Variants in ZNF536 observed in about 807,000 individuals in gnomAD.
ZNF536 encodes zinc finger protein 536.
Under a neutral mutation model 84.5 loss-of-function variants are expected in ZNF536, and 13 were observed. The observed-to-expected ratio is 0.15, with a 90% CI of 0.10 to 0.24. The LOEUF is 0.24. Among genes scored for constraint, ZNF536 ranks in the 10% least tolerant of loss-of-function variants. ZNF536 has a pLI of 1.00. For missense variants in ZNF536, 1,536 were observed against 1,747.5 expected (o/e 0.88, Z 2.16); for synonymous variants, 811 against 742.5 (o/e 1.09, Z -1.50).
At chr19:30,541,365 G>A (rs968244360) in intron 3 of ZNF536, among the ~76,000 whole-genome samples, 5 of 149,874 alleles carry the variant, frequency 3.3e-5, no homozygotes, top group Middle Eastern at 3.2e-3. Flanking sequence ...CATTTTTGCC[G>A]TTAGTGGGGG....
chr19:30,326,229 G>A (rs991455512), intron 2 of ZNF536, among the ~76,000 whole-genome samples: 4 of 152,222 alleles, frequency 2.6e-5, no homozygotes, highest in African/African-American at 9.6e-5. Flanking sequence ...CCAGGGACAT[G>A]TCCCAGTGGT....
intron 1 of ZNF536, among the ~76,000 whole-genome samples, chr19:30,433,573 C>A (rs2051577491): frequency 1.3e-5 from 2 of 152,212 alleles, no homozygotes; most frequent in South Asian, 4.1e-4. Context: ...TCTCGGTTCA[C>A]CACAACCTCC....
chr19:30,569,051 G>T (rs1390744413), intron 1 of ZNF536, among the ~76,000 whole-genome samples: 2 of 152,178 alleles, frequency 1.3e-5, no homozygotes, highest in East Asian at 1.9e-4. Context: ...AGAACTAAAT[G>T]ATGAATCCAT....
At chr19:30,582,925 A>G (rs1408765676) in intron 1 of ZNF536, among the ~76,000 whole-genome samples, 1 of 152,106 alleles carries the variant, frequency 6.6e-6, no homozygotes, top group African/African-American at 2.4e-5. Flanking sequence ...TGAGATTTGG[A>G]TGGGGACACA....
chr19:30,631,841 C>T (rs1005198903), intron 1 of ZNF536, among the ~76,000 whole-genome samples: 5 of 152,168 alleles, frequency 3.3e-5, no homozygotes, highest in Non-Finnish European at 4.4e-5. Context: ...AGAGAGCACT[C>T]GAGGATTAAT....
Position 30,408,901 on chromosome 19 carries a change from C to G in ZNF536, c.-2-34660C>G, listed in dbSNP as rs2050372839. On this transcript the variant is annotated intron_variant, in intron 1 of 4. Coordinates refer to ENST00000355537, the MANE Select transcript of ZNF536 (RefSeq NM_014717.3). Reference sequence around the variant, plus strand: ...CCATCCTTCATCTATCATCATCCATCTATTCATCTGTCTATTCATCCATTC... The same window carrying G: ...CCATCCTTCATCTATCATCATCCATGTATTCATCTGTCTATTCATCCATTC... 2.7e-5 allele frequency among the ~76,000 whole-genome samples: 4 copies of G among 150,764 alleles called. No homozygotes were observed. The South Asian group carries it at 8.5e-4, about 32-fold the overall frequency.
At chr19:30,473,772 C>T (rs2053736195) in intron 2 of ZNF536, among the ~76,000 whole-genome samples, 1 of 152,220 alleles carries the variant, frequency 6.6e-6, no homozygotes, top group South Asian at 2.1e-4. Context: ...AAATTAACCC[C>T]CTGCCCTTCT....
chr19:30,226,910 G>A (rs753144738), upstream of ZNF536, among the ~76,000 whole-genome samples: 16 of 151,506 alleles, frequency 1.1e-4, no homozygotes, highest in Non-Finnish European at 1.9e-4. This position sits in a 1 kb window ranked among gnomAD's most constrained non-coding sequence, Gnocchi z 4.6. Flanking sequence ...GCCTTTTTCT[G>A]TTTGCTTCAA....
intron 1 of ZNF536, among the ~76,000 whole-genome samples, chr19:30,277,557 G>A (rs1434606766): frequency 6.6e-6 from 1 of 152,224 alleles, no homozygotes; most frequent in Non-Finnish European, 1.5e-5. Context: ...CGCGCTCTGT[G>A]TTATAATATT....
At chr19:30,701,571 A>G (rs1160717745) in intron 1 of ZNF536, among the ~76,000 whole-genome samples, 2 of 152,196 alleles carry the variant, frequency 1.3e-5, no homozygotes, top group Admixed American at 1.3e-4. Flanking sequence ...ACACACACAT[A>G]CACATGGTAC....
At chr19:30,499,625 T>G (rs2145278052) in intron 2 of ZNF536, among the ~76,000 whole-genome samples, 1 of 152,354 alleles carries the variant, frequency 6.6e-6, no homozygotes, top group East Asian at 1.9e-4. Context: ...ATTGTAGACT[T>G]TGCATCAAAC....
At chr19:30,630,638 C>T (rs1206725322) in intron 1 of ZNF536, among the ~76,000 whole-genome samples, 1 of 152,178 alleles carries the variant, frequency 6.6e-6, no homozygotes, top group Non-Finnish European at 1.5e-5. Flanking sequence ...CTCCAGAAAG[C>T]CCTCCTTGGC....
At chr19:30,490,725 G>A (rs73924768) in intron 2 of ZNF536, among the ~76,000 whole-genome samples, 323 of 152,276 alleles carry the variant, frequency 2.1e-3, no homozygotes, top group African/African-American at 7.5e-3. Context: ...TTGTTTGCTA[G>A]GGTCCACTAC....
chr19:30,371,558 GTT>G (rs11343587), upstream of ZNF536, among the ~76,000 whole-genome samples: 105 of 135,708 alleles, frequency 7.7e-4, no homozygotes, highest in Admixed American at 1.6e-3. Flanking sequence ...GTCTTTTCTT[GTT>G]TTTTTTTTTT....
chr19:30,643,666 G>T (rs1307770767), intron 1 of ZNF536, among the ~76,000 whole-genome samples: 2 of 152,122 alleles, frequency 1.3e-5, no homozygotes, highest in Non-Finnish European at 2.9e-5. Flanking sequence ...GCAGGGGGGG[G>T]TTTTGGGGCA....
chr19:30,584,814 G>T (rs192781496), intron 1 of ZNF536, among the ~76,000 whole-genome samples: 1 of 152,284 alleles, frequency 6.6e-6, no homozygotes, highest in East Asian at 1.9e-4. Context: ...AGACAGTCTT[G>T]GTTGGGTGTG....
intron 2 of ZNF536, among the ~76,000 whole-genome samples, chr19:30,315,510 C>T (rs552004641): frequency 7.2e-5 from 11 of 152,178 alleles, no homozygotes; most frequent in East Asian, 3.9e-4. Flanking sequence ...AACAGGGGCC[C>T]GATAGGAAGG....
intron 1 of ZNF536, among the ~76,000 whole-genome samples, chr19:30,705,420 T>C (rs1456410528): frequency 6.6e-6 from 1 of 152,094 alleles, no homozygotes; most frequent in Non-Finnish European, 1.5e-5. Flanking sequence ...GTATGTGTGT[T>C]TGAGCCTATA....
intron 4 of ZNF536, chr19:30,555,242 T>A (rs1360119322): frequency 6.6e-6 from 1 of 152,176 alleles, no homozygotes; most frequent in Non-Finnish European, 1.5e-5. Flanking sequence ...ATGATAGAGA[T>A]AAAAGAGCTT....
Sources: allele counts gnomAD v4.1 joint callset (sites outside exome capture counted in the v4.1 genomes callset), GRCh38; gene constraint gnomAD v4.1.1; non-coding constraint Gnocchi (gnomAD v3.1); transcripts MANE v1.5; gene names NCBI Gene and HGNC (gene_info 2026-07-23, HGNC 2026-07-21).